CSMD1: variants seen among roughly 807,000 people sequenced by gnomAD.
CSMD1 encodes CUB and Sushi multiple domains 1, also known as CUB and sushi domain-containing protein 1.
CSMD1 carries 213 observed loss-of-function variants against 417.5 expected under a neutral mutation model. That is an observed-to-expected ratio of 0.51 (90% CI 0.46 to 0.57). The LOEUF (loss-of-function observed/expected upper bound fraction) is 0.57. Among genes scored for constraint, CSMD1 ranks in the 20% least tolerant of loss-of-function variants. CSMD1 has a pLI of 0.00. For synonymous variants in CSMD1, 2,862 were observed against 1,736.8 expected, an observed-to-expected ratio of 1.65 and a Z score of -16.11; for missense variants, 6,923 against 4,529.7, an observed-to-expected ratio of 1.53 and a Z score of -15.17.
chr8:4,535,618 A>G (rs890341026), intron 2 of CSMD1, among the ~76,000 whole-genome samples: 2 of 152,186 alleles, frequency 1.3e-5, no homozygotes, highest in African/African-American at 4.8e-5. Flanking sequence ...TGAAATTATA[A>G]TATAGTTCCA....
intron 3 of CSMD1, among the ~76,000 whole-genome samples, chr8:4,387,191 G>T (rs1225041058): frequency 6.6e-6 from 1 of 152,136 alleles, no homozygotes; most frequent in African/African-American, 2.4e-5. Flanking sequence ...TGGCTAGGAG[G>T]TATCTGAGTG....
In CSMD1 at chr8:4,628,126, T is replaced by TAC. The variant is rs1802231625; in HGVS notation, c.302+9215_302+9216insGT. ...ATATATATACTTCTGTGTGTGTGTATATATATATATATATGTACACAGTAT... is the reference window on the plus strand; with the variant it reads ...ATATATATACTTCTGTGTGTGTGTATACATATATATATATATGTACACAGTAT... On this transcript the variant is annotated intron_variant, in intron 2 of 69. Transcript: ENST00000635120. Among the ~76,000 whole-genome samples, 4 of 149,532 alleles carry TAC rather than the reference T, an allele frequency of 2.7e-5. No individual in the cohort carries two copies. In the South Asian group the frequency reaches 6.3e-4, roughly 24 times the overall value.
intron 1 of CSMD1, among the ~76,000 whole-genome samples, chr8:4,700,929 C>T (rs1035971749): frequency 1.3e-5 from 2 of 152,138 alleles, no homozygotes; most frequent in Non-Finnish European, 2.9e-5. Context: ...GCAGAGAACA[C>T]TGTGGAAGGT....
At position 4,973,989 on chromosome 8, in the gene CSMD1, A is replaced by G. The variant is rs371166890; in HGVS notation, c.85+20343T>C. ...TTAATAACAAGCCATCCAAAGCAAG[A>G]AAGTTTTAGATTAGCCTCTCTGGAA... On this transcript the variant is annotated intron_variant, in intron 1 of 69. Transcript: ENST00000635120. Among the ~76,000 whole-genome samples, 22 of 152,208 alleles carry G rather than the reference A, an allele frequency of 1.4e-4. No individual in the cohort carries two copies. The East Asian group carries it at 2.5e-3, about 17-fold the overall frequency.
rs1402135979 is a variant in CSMD1, at chr8:4,710,396, T to C, written c.86-72838A>G. On this transcript the variant is annotated intron_variant, in intron 1 of 69. Transcript: ENST00000635120. ...ATATGAAGTAAATAAAAATATATTATTAAATATATAAATTTATAAATATAT... is the reference window on the plus strand; with the variant it reads ...ATATGAAGTAAATAAAAATATATTACTAAATATATAAATTTATAAATATAT... Among the ~76,000 whole-genome samples, 5 of 147,998 alleles carry C rather than the reference T, an allele frequency of 3.4e-5. No individual in the cohort carries two copies. The Admixed American group carries it at 3.4e-4, about 10-fold the overall frequency.
At chr8:3,451,349 G>A (rs1237448197) in intron 12 of CSMD1, among the ~76,000 whole-genome samples, 3 of 152,142 alleles carry the variant, frequency 2.0e-5, no homozygotes, top group African/African-American at 4.8e-5. Context: ...TTTGGCTTTT[G>A]TTGCCATTGC....
At chr8:4,199,407 G>C (rs1328847233) in intron 3 of CSMD1, among the ~76,000 whole-genome samples, 4 of 152,106 alleles carry the variant, frequency 2.6e-5, no homozygotes, top group Non-Finnish European at 5.9e-5. Flanking sequence ...GAATGGATTT[G>C]GTGCTGGCAT....
rs1230829311 is a variant in CSMD1, at chr8:2,963,255, C to T, written c.9421G>A (p.Gly3141Arg). ...HSAILSCEGR[G>R]VWKGEIPQCL... is the part of the protein sequence containing the mutation. ...TGGGGGATCTCTCCTTTCCACACCC[C>T]GCGACCTTCACAGGAGAGGATGGCG... Residue 3141 changes from glycine (G) to arginine (R), a missense_variant, in exon 60 of 70, where the codon GGG becomes AGG. By Grantham distance (125) the Gly-to-Arg change is moderately radical. Coordinates refer to ENST00000635120, the MANE Select transcript of CSMD1 (RefSeq NM_033225.6). The T allele has an allele frequency of 3.1e-6, 5 of 1,613,846 alleles. No homozygotes were observed. Among genetic ancestry groups the T allele is most frequent in the Non-Finnish European group, 3.4e-6 (4 of 1,179,882 alleles).
chr8:3,487,232 A>T (rs866301946), intron 11 of CSMD1, among the ~76,000 whole-genome samples: 2 of 152,004 alleles, frequency 1.3e-5, no homozygotes, highest in Non-Finnish European at 2.9e-5. Flanking sequence ...GACAGAGTCT[A>T]GCTCTGTCTC....
At chr8:3,548,632 T>C (rs1317498491) in intron 10 of CSMD1, among the ~76,000 whole-genome samples, 1 of 148,638 alleles carries the variant, frequency 6.7e-6, no homozygotes, top group Non-Finnish European at 1.5e-5. Flanking sequence ...AATTCAACCC[T>C]TTTCACGGCT....
At chr8:3,438,130 G>A (rs1166513710) in intron 12 of CSMD1, among the ~76,000 whole-genome samples, 3 of 152,130 alleles carry the variant, frequency 2.0e-5, no homozygotes, top group African/African-American at 7.2e-5. Context: ...GTCCATCTGT[G>A]ATTTGGTAAA....
chr8:2,995,694 C>T (rs1051737297), intron 54 of CSMD1, among the ~76,000 whole-genome samples: 1 of 152,132 alleles, frequency 6.6e-6, no homozygotes, highest in African/African-American at 2.4e-5. Flanking sequence ...TACATCTGTA[C>T]CATGAAATGC....
At chr8:3,860,519 C>A (rs1804627555) in intron 5 of CSMD1, among the ~76,000 whole-genome samples, 1 of 152,172 alleles carries the variant, frequency 6.6e-6, no homozygotes, top group African/African-American at 2.4e-5. Flanking sequence ...GTACCTTGTA[C>A]ATAAATTACT....
At chr8:4,393,982 G>C (rs892378754) in intron 3 of CSMD1, among the ~76,000 whole-genome samples, 1 of 152,148 alleles carries the variant, frequency 6.6e-6, no homozygotes, top group Admixed American at 6.5e-5. Flanking sequence ...TTGCCAATTT[G>C]CTACGTAATA....
At chr8:3,472,320 A>T (rs953882494) in intron 11 of CSMD1, among the ~76,000 whole-genome samples, 1 of 152,028 alleles carries the variant, frequency 6.6e-6, no homozygotes, top group Non-Finnish European at 1.5e-5. Flanking sequence ...ACATCTTTTA[A>T]CTATTGTAAG....
Position 3,998,038 on chromosome 8 carries a change from T to C in CSMD1, c.683A>G (p.Tyr228Cys). The C allele has an allele frequency of 6.2e-7, 1 of 1,603,338 alleles. No individual in the cohort carries two copies. The highest frequency in any genetic ancestry group is 8.5e-7 in the Non-Finnish European group (1 of 1,174,530). ...CCAGGTGCAGTCCGCGTTGTTCTCG[T>C]ACTCTGAAGGGAAGTGCGGGCTGGA... is the stretch of plus-strand genomic sequence containing the variant. ...SISSPHFPSEYENNADCTWTI... is the reference protein window; with the variant it reads ...SISSPHFPSECENNADCTWTI... The change falls in exon 5 of 70, where the codon TAC becomes TGC. Residue 228 changes from tyrosine to cysteine, a missense_variant. Transcript: ENST00000635120.
At chr8:3,232,739 CT>C (rs1336667548) in intron 26 of CSMD1, among the ~76,000 whole-genome samples, 1 of 152,104 alleles carries the variant, frequency 6.6e-6, no homozygotes, top group Non-Finnish European at 1.5e-5. Context: ...TCTCGACCAT[CT>C]TAGCTTGTGT....
chr8:3,991,266 T>G (rs1250825240), intron 5 of CSMD1, among the ~76,000 whole-genome samples: 1 of 152,190 alleles, frequency 6.6e-6, no homozygotes, highest in Non-Finnish European at 1.5e-5. Context: ...AATTAGCTGG[T>G]ATTGAAAGAA....
At chr8:4,222,109 A>G (rs956283556) in intron 3 of CSMD1, among the ~76,000 whole-genome samples, 18 of 152,136 alleles carry the variant, frequency 1.2e-4, no homozygotes, top group African/African-American at 3.9e-4. Flanking sequence ...AACCAACAAA[A>G]AAAAAAAACA....
Sources: gnomAD v4.1 joint callset for allele counts (sites outside exome capture counted in the v4.1 genomes callset) on GRCh38, gnomAD v4.1.1 for gene constraint, MANE v1.5 for transcripts, NCBI Gene and HGNC (gene_info 2026-07-23, HGNC 2026-07-21) for gene names.